CHIC2: variants seen among roughly 807,000 people sequenced by gnomAD.
CHIC2 encodes cysteine-rich hydrophobic domain-containing protein 2.
In CHIC2, 14 loss-of-function variants were observed where a neutral mutation model predicts 25.9. The ratio of observed to expected loss-of-function variants is 0.54; its 90% CI spans 0.36 to 0.85. The LOEUF (loss-of-function observed/expected upper bound fraction) is 0.85, where lower values mean the gene tolerates loss of function less well. CHIC2 is among the 40% of genes least tolerant of loss of function. The pLI, the probability that CHIC2 is intolerant of heterozygous loss-of-function variation, is 0.01. For synonymous variants in CHIC2, 70 were observed against 72.0 expected, an observed-to-expected ratio of 0.97 and a Z score of 0.14; for missense variants, 146 against 202.0, an observed-to-expected ratio of 0.72 and a Z score of 1.68.
chr4:54,058,604 ACAG>A (rs1717247085), intron 1 of CHIC2, among the ~76,000 whole-genome samples: 1 of 151,054 alleles, frequency 6.6e-6, no homozygotes, highest in South Asian at 2.1e-4. Flanking sequence ...ACAATCTTAC[ACAG>A]AAGATACCTG....
intron 3 of CHIC2, among the ~76,000 whole-genome samples, chr4:54,017,448 T>C (rs2110061444): frequency 6.6e-6 from 1 of 152,274 alleles, no homozygotes; most frequent in African/African-American, 2.4e-5. Context: ...TTGATAGTCA[T>C]GGGAACTAAA....
At chr4:54,016,648 A>T (rs916669932) in intron 3 of CHIC2, among the ~76,000 whole-genome samples, 1 of 152,106 alleles carries the variant, frequency 6.6e-6, no homozygotes, top group Non-Finnish European at 1.5e-5. Flanking sequence ...TTTTGCTATA[A>T]GACTTCTTTC....
the CHIC2 span, among the ~76,000 whole-genome samples, chr4:54,090,117 T>C: frequency 6.6e-6 from 1 of 152,126 alleles, no homozygotes; most frequent in Admixed American, 6.5e-5. Flanking sequence ...TTCAGACACA[T>C]CTGGTCCCAA....
At chr4:54,083,594 C>T in the CHIC2 span, among the ~76,000 whole-genome samples, 8 of 152,114 alleles carry the variant, frequency 5.3e-5, no homozygotes, top group Non-Finnish European at 1.2e-4. Flanking sequence ...TTTCTGTACC[C>T]CTGTCCTATC....
intron 3 of CHIC2, among the ~76,000 whole-genome samples, chr4:54,021,331 A>G (rs1000183977): frequency 1.3e-5 from 2 of 152,016 alleles, no homozygotes; most frequent in African/African-American, 4.8e-5. Flanking sequence ...TCTGCTCCCA[A>G]TGCGACTCAT....
At chr4:54,089,060 A>G in the CHIC2 span, among the ~76,000 whole-genome samples, 3 of 152,192 alleles carry the variant, frequency 2.0e-5, no homozygotes, top group Admixed American at 2.0e-4. Context: ...AGGTAGAGGA[A>G]CAAAGCTGAT....
In CHIC2 at chr4:54,024,702, G is replaced by A. The variant is rs997867284; in HGVS notation, c.331-10583C>T. On this transcript the variant is annotated intron_variant, in intron 3 of 5. Coordinates refer to ENST00000263921, the MANE Select transcript of CHIC2 (RefSeq NM_012110.4). ...ACTCAAGGATAGAGCCCAAAAATTC[G>A]CCAACCAAGCAAGTAATTATGCTGA... Among the ~76,000 whole-genome samples, 10 of 152,124 alleles carry A rather than the reference G, an allele frequency of 6.6e-5. No individual in the cohort carries two copies. The South Asian group carries it at 1.0e-3, about 16-fold the overall frequency.
rs201926163 is a variant in CHIC2, at chr4:54,040,487, G to A, written c.330+8468C>T. Among the ~76,000 whole-genome samples the A allele has an allele frequency of 7.0e-4, 107 of 152,048 alleles. No homozygotes were observed. The East Asian group carries it at 7.2e-3, about 10-fold the overall frequency. On this transcript the variant is annotated intron_variant, in intron 3 of 5. Coordinates refer to ENST00000263921, the MANE Select transcript of CHIC2 (RefSeq NM_012110.4). ...AGGCCGAAGCGGGCAGATCACCTGAGGTCAGGAGTTCAAGACCAGCCTGGC... is the reference window on the plus strand; with the variant it reads ...AGGCCGAAGCGGGCAGATCACCTGAAGTCAGGAGTTCAAGACCAGCCTGGC...
At chr4:54,076,206 A>C in the CHIC2 span, among the ~76,000 whole-genome samples, 93 of 152,162 alleles carry the variant, frequency 6.1e-4, no homozygotes, top group African/African-American at 2.2e-3. Context: ...GAATTGCTTG[A>C]GCCAGGAAAG....
chr4:54,064,170 T>TCCGG lies in CHIC2; in HGVS notation c.119+8_119+11dup, dbSNP rs1174545287. 1.3e-6 allele frequency: 2 copies of TCCGG among 1,595,702 alleles called. No homozygotes were observed. The highest frequency in any genetic ancestry group is 2.7e-5 in the African/African-American group (2 of 74,680). On this transcript the variant is annotated intron_variant, in intron 1 of 5. Coordinates refer to ENST00000263921, the MANE Select transcript of CHIC2 (RefSeq NM_012110.4). This position sits in a 1 kb window ranked among gnomAD's most constrained non-coding sequence, Gnocchi z 4.2. ...CCCGCACCTCCCGCCCTCGCCCTCC[T>TCCGG]CCGGGCCTTACACGGTGACGTGACC... is the stretch of plus-strand genomic sequence containing the variant.
At chr4:54,022,213 C>T (rs887082082) in intron 3 of CHIC2, among the ~76,000 whole-genome samples, 8 of 152,214 alleles carry the variant, frequency 5.3e-5, no homozygotes, top group Non-Finnish European at 1.0e-4. Flanking sequence ...CCCAGAGCCC[C>T]TGGAACTCTG....
At chr4:54,086,827 C>T in the CHIC2 span, 1 of 489,820 alleles carries the variant, frequency 2.0e-6, no homozygotes, top group Non-Finnish European at 3.8e-6. Flanking sequence ...CCACTGTATC[C>T]TCCTAGACCA....
the CHIC2 span, among the ~76,000 whole-genome samples, chr4:54,088,813 G>A: frequency 6.6e-6 from 1 of 152,318 alleles, no homozygotes; most frequent in East Asian, 1.9e-4. Flanking sequence ...TTAAGAAGTG[G>A]TCAGTTTCCA....
At chr4:54,078,597 C>G in the CHIC2 span, among the ~76,000 whole-genome samples, 1 of 152,046 alleles carries the variant, frequency 6.6e-6, no homozygotes, top group South Asian at 2.1e-4. Context: ...CTTACTGCAA[C>G]CTCCGCCTCC....
intron 3 of CHIC2, among the ~76,000 whole-genome samples, chr4:54,031,843 C>T (rs987585938): frequency 6.6e-6 from 1 of 151,960 alleles, no homozygotes. Flanking sequence ...TGGTCTTGAA[C>T]GCCTGGTCTC....
At chr4:54,041,983 A>G (rs762851281) in intron 3 of CHIC2, among the ~76,000 whole-genome samples, 12 of 151,834 alleles carry the variant, frequency 7.9e-5, no homozygotes, top group Admixed American at 6.6e-4. Flanking sequence ...CATTCTGCAC[A>G]TGTATCCCAG....
chr4:54,067,502 A>C (rs1717541406), upstream of CHIC2, among the ~76,000 whole-genome samples: 1 of 151,656 alleles, frequency 6.6e-6, no homozygotes, highest in Non-Finnish European at 1.5e-5. Context: ...TTTCCTGTAA[A>C]ACTCCTCCCC....
chr4:54,035,280 C>G (rs138013228), intron 3 of CHIC2, among the ~76,000 whole-genome samples: 4 of 152,176 alleles, frequency 2.6e-5, no homozygotes, highest in Non-Finnish European at 5.9e-5. Context: ...GTTCTTTTCT[C>G]TTGATTTTCT....
the CHIC2 span, among the ~76,000 whole-genome samples, chr4:54,073,204 C>A: frequency 6.6e-6 from 1 of 152,212 alleles, no homozygotes; most frequent in African/African-American, 2.4e-5. Flanking sequence ...TCACTCCCAT[C>A]AGCCTTGGTT....
Sources: allele counts gnomAD v4.1 joint callset (sites outside exome capture counted in the v4.1 genomes callset), GRCh38; gene constraint gnomAD v4.1.1; non-coding constraint Gnocchi (gnomAD v3.1); transcripts MANE v1.5; gene names NCBI Gene and HGNC (gene_info 2026-07-23, HGNC 2026-07-21).